The following ZNF613 variants were observed in gnomAD, a reference collection of about 807,000 sequenced individuals.
ZNF613 encodes the protein zinc finger protein 613.
A neutral mutation model predicts 14.3 loss-of-function variants in ZNF613; 8 were observed. The observed-to-expected ratio is 0.56, with a 90% confidence interval of 0.33 to 1.01. The LOEUF (loss-of-function observed/expected upper bound fraction) is 1.01, where lower values mean the gene tolerates loss of function less well. ZNF613 is among the 50% of genes least tolerant of loss of function. The probability of loss-of-function intolerance (pLI) is 0.03; values close to 1 mark genes in which losing one functional copy is unlikely to be tolerated. For synonymous variants in ZNF613, 228 were observed against 254.5 expected, an observed-to-expected ratio of 0.90 and a Z score of 0.99; for missense variants, 656 against 741.9, an observed-to-expected ratio of 0.88 and a Z score of 1.35.
chr19:51,938,800 G>A (rs1052332637), intron 3 of ZNF613, among the ~76,000 whole-genome samples: 23 of 147,042 alleles, frequency 1.6e-4, no homozygotes, highest in Admixed American at 8.1e-4. Flanking sequence ...AGGCTATACC[G>A]TAGAGCCTGG....
At chr19:51,930,349 C>T (rs2085254747) in intron 2 of ZNF613, among the ~76,000 whole-genome samples, 1 of 152,096 alleles carries the variant, frequency 6.6e-6, no homozygotes, top group Non-Finnish European at 1.5e-5. Flanking sequence ...GCAACCACCA[C>T]CTCCCAAGTT....
rs753928902 is a variant in ZNF613 at position 51,944,705 on chromosome 19, G to C, written c.822G>C (p.Gln274His). 5.0e-6 allele frequency: 8 copies of C among 1,613,714 alleles called. No homozygotes were observed. The African/African-American group carries it at 9.4e-5, about 19-fold the overall frequency. ...ACAAAGCATTCCGCTGGAAATCACA[G>C]CTCAATGCACACCAGAAAATTCATA... is the stretch of plus-strand genomic sequence containing the variant. ...ECDKAFRWKS[Q>H]LNAHQKIHTG... is the part of the protein sequence containing the mutation. The change falls in exon 6 of 6, where the codon CAG (glutamine) becomes CAC (histidine). Residue 274 changes from glutamine to histidine, a missense_variant. By Grantham distance (24) the Gln-to-His change is conservative. Coordinates refer to ENST00000293471, the MANE Select transcript of ZNF613 (RefSeq NM_001031721.4).
intron 2 of ZNF613, among the ~76,000 whole-genome samples, chr19:51,934,271 T>TA (rs2085289537): frequency 6.6e-6 from 1 of 152,170 alleles, no homozygotes; most frequent in Non-Finnish European, 1.5e-5. Flanking sequence ...TGGACCTACC[T>TA]ACTCTGCCAT....
At chr19:51,932,505 C>T (rs955079027) in intron 2 of ZNF613, among the ~76,000 whole-genome samples, 1 of 151,356 alleles carries the variant, frequency 6.6e-6, no homozygotes, top group African/African-American at 2.4e-5. Context: ...CCATGTTGGT[C>T]GGGCTAGTCT....
At chr19:51,934,876 A>G (rs1213387725) in intron 2 of ZNF613, among the ~76,000 whole-genome samples, 1 of 152,166 alleles carries the variant, frequency 6.6e-6, no homozygotes, top group Non-Finnish European at 1.5e-5. Flanking sequence ...GGAATGTTAG[A>G]TCATTTGGGT....
intron 2 of ZNF613, among the ~76,000 whole-genome samples, chr19:51,931,237 G>C (rs1360513712): frequency 6.6e-6 from 1 of 152,072 alleles, no homozygotes; most frequent in African/African-American, 2.4e-5. Context: ...GTGGATTTTT[G>C]GGTTCTAGTA....
chr19:51,933,088 C>T (rs1026179915), intron 2 of ZNF613, among the ~76,000 whole-genome samples: 36 of 152,204 alleles, frequency 2.4e-4, no homozygotes, highest in Admixed American at 4.6e-4. Context: ...CCGTTCACTT[C>T]CTGCTTGCAC....
chr19:51,945,818 A>G lies in ZNF613; in HGVS notation c.*81A>G. Reference sequence around the variant, plus strand: ...TGTCACAAAAAACACAGAGGAACAAACTGATATATTCAAGGTGGAAAGCCC... The same window carrying G: ...TGTCACAAAAAACACAGAGGAACAAGCTGATATATTCAAGGTGGAAAGCCC... On this transcript the variant is annotated 3_prime_UTR_variant, in exon 6 of 6. Coordinates refer to ENST00000293471, the MANE Select transcript of ZNF613 (RefSeq NM_001031721.4). The G allele has an allele frequency of 6.8e-7, 1 of 1,464,564 alleles. No homozygotes were observed. Among genetic ancestry groups the G allele is most frequent in the Non-Finnish European group, 9.4e-7 (1 of 1,068,226 alleles). The allele number at this position is 1,464,564 out of a possible 1,614,324, so 90.7% of individuals were successfully genotyped here. A position where few individuals can be genotyped will look rare whatever the true frequency, so the allele number is the denominator to read the frequency against.
intron 1 of ZNF613, among the ~76,000 whole-genome samples, chr19:51,929,519 A>G (rs961314353): frequency 6.6e-6 from 1 of 152,144 alleles, no homozygotes. Context: ...AAATATTTAC[A>G]TTGTTTTTGG....
In ZNF613 at chr19:51,945,493, G is replaced by A; in HGVS notation, c.1610G>A (p.Arg537Lys). ...LVYHKGMLHA[R>K]EKCVGSVKLE... ...TATCATAAGGGAATGCTGCATGCAA[G>A]AGAGAAATGTGTAGGTTCAGTCAAA... The change falls in exon 6 of 6, where the codon AGA becomes AAA. Residue 537 changes from arginine to lysine, a missense_variant. Transcript: ENST00000293471. 6.2e-7 allele frequency: 1 copy of A among 1,614,182 alleles called. No homozygotes were observed. Among genetic ancestry groups the A allele is most frequent in the South Asian group, 1.1e-5 (1 of 91,080 alleles).
chr19:51,929,342 C>T (rs1444429912), intron 1 of ZNF613, among the ~76,000 whole-genome samples: 1 of 152,108 alleles, frequency 6.6e-6, no homozygotes, highest in African/African-American at 2.4e-5. Flanking sequence ...TCACTTATCA[C>T]TTTTAAGAAT....
At chr19:51,930,656 A>G (rs1391006858) in intron 2 of ZNF613, among the ~76,000 whole-genome samples, 3 of 152,188 alleles carry the variant, frequency 2.0e-5, no homozygotes, top group African/African-American at 7.2e-5. Context: ...TGGTATGGAT[A>G]TGGCATCTTG....
chr19:51,941,026 T>G (rs2085345430), intron 5 of ZNF613, among the ~76,000 whole-genome samples: 1 of 152,084 alleles, frequency 6.6e-6, no homozygotes, highest in African/African-American at 2.4e-5. Context: ...TACCTCCCAG[T>G]TCAAGCGATT....
In ZNF613 at chr19:51,940,279, A is replaced by G. The variant is rs2085337074; in HGVS notation, c.86A>G (p.Gln29Arg). The G allele has an allele frequency of 6.2e-7, 1 of 1,613,858 alleles. No homozygotes were observed. The highest frequency in any genetic ancestry group is 8.5e-7 in the Non-Finnish European group (1 of 1,179,846). ...GAGTGGCAGCTCCTCGGCCCTGCTCAGAAGGACCTGTACCGAGACGTGATG... is the reference window on the plus strand; with the variant it reads ...GAGTGGCAGCTCCTCGGCCCTGCTCGGAAGGACCTGTACCGAGACGTGATG... ...WEEWQLLGPA[Q>R]KDLYRDVMLE... The change falls in exon 4 of 6, where the codon CAG (glutamine) becomes CGG (arginine). Residue 29 changes from glutamine to arginine, a missense_variant. Coordinates refer to ENST00000293471, the MANE Select transcript of ZNF613 (RefSeq NM_001031721.4).
Position 51,944,585 on chromosome 19 carries a change from C to T in ZNF613, c.702C>T (p.Cys234=). ...ACACTGGGGAGAAACCTCATGGATG[C>T]AGTATATGTGGGAAAGCCTTCTCCA... is the stretch of plus-strand genomic sequence containing the variant. The part of the protein sequence containing the change: ...RVHTGEKPHG[C]SICGKAFSRK... Residue 234 remains cysteine, a synonymous_variant, in exon 6 of 6, where the codon TGC becomes TGT. Coordinates refer to ENST00000293471, the MANE Select transcript of ZNF613 (RefSeq NM_001031721.4). 1 of 1,614,172 alleles carries T rather than the reference C, an allele frequency of 6.2e-7. No homozygotes were observed. The highest frequency in any genetic ancestry group is 8.5e-7 in the Non-Finnish European group (1 of 1,180,040).
Position 51,935,683 on chromosome 19 carries a change from A to T in ZNF613, c.-193-345A>T, listed in dbSNP as rs74800229. Reference sequence around the variant, plus strand: ...CACACGTGGTTTTAAAGAAATAAATATCCAATTCCTCACCTTCTCTGTCCT... The same window carrying T: ...CACACGTGGTTTTAAAGAAATAAATTTCCAATTCCTCACCTTCTCTGTCCT... On this transcript the variant is annotated intron_variant, in intron 2 of 5. Coordinates refer to ENST00000293471, the MANE Select transcript of ZNF613 (RefSeq NM_001031721.4). 4.7e-4 allele frequency among the ~76,000 whole-genome samples: 71 copies of T among 152,314 alleles called. No individual in the cohort carries two copies. The East Asian group carries it at 0.013, about 28-fold the overall frequency.
chr19:51,931,811 G>A (rs969302351), intron 2 of ZNF613, among the ~76,000 whole-genome samples: 1 of 152,168 alleles, frequency 6.6e-6, no homozygotes, highest in Non-Finnish European at 1.5e-5. Context: ...GTCTCTTTTT[G>A]TAGAGTGCCC....
chr19:51,944,708 C>T lies in ZNF613; in HGVS notation c.825C>T (p.Leu275=), dbSNP rs1358027050. The change falls in exon 6 of 6, where the codon CTC becomes CTT. Residue 275 remains leucine, a synonymous_variant. Transcript: ENST00000293471. The part of the protein sequence containing the change: ...CDKAFRWKSQ[L]NAHQKIHTGE... ...AAGCATTCCGCTGGAAATCACAGCT[C>T]AATGCACACCAGAAAATTCATACAG... The T allele has an allele frequency of 1.2e-6, 2 of 1,613,436 alleles. No individual in the cohort carries two copies. The highest frequency in any genetic ancestry group is 1.3e-5 in the African/African-American group (1 of 74,652).
chr19:51,938,320 G>T (rs1001602841), intron 3 of ZNF613, among the ~76,000 whole-genome samples: 2 of 151,710 alleles, frequency 1.3e-5, no homozygotes, highest in Admixed American at 6.6e-5. Flanking sequence ...CACCCAGGCT[G>T]GAGTGCAGTG....
Sources: gnomAD v4.1 joint callset for allele counts (sites outside exome capture counted in the v4.1 genomes callset) on GRCh38, gnomAD v4.1.1 for gene constraint, MANE v1.5 for transcripts, NCBI Gene and HGNC (gene_info 2026-07-23, HGNC 2026-07-21) for gene names.